Variants in LRRC37A3 observed in about 807,000 individuals in gnomAD.
LRRC37A3 encodes leucine rich repeat containing 37 member A3, also known as leucine-rich repeat-containing protein 37A3.
In LRRC37A3, 25 loss-of-function variants were observed where a neutral mutation model predicts 106.2. The observed-to-expected ratio is 0.24, with a 90% CI of 0.17 to 0.33. The LOEUF is 0.33. Ranked by LOEUF, LRRC37A3 falls within the 10% of genes least tolerant of loss-of-function variation. LRRC37A3 has a pLI of 1.00. For synonymous variants in LRRC37A3, 305 were observed against 635.8 expected (o/e 0.48, Z 7.83); for missense variants, 712 against 1,644.9 (o/e 0.43, Z 9.81).
chr17:64,863,276 A>G (rs572703371), intron 10 of LRRC37A3: 7 of 498,194 alleles, frequency 1.4e-5, no homozygotes, highest in Middle Eastern at 5.6e-4. Flanking sequence ...TAGTAGTTTC[A>G]GAAGTATCTC....
In LRRC37A3 at chr17:64,860,111, A is replaced by G; in HGVS notation, c.4035T>C (p.Ser1345=). ...GGGAATTTATGAGGCTCTTCGCTGCAGAGAACGGAAGCCTGTTTGAGAGCA... is the reference window on the plus strand; with the variant it reads ...GGGAATTTATGAGGCTCTTCGCTGCGGAGAACGGAAGCCTGTTTGAGAGCA... ...RLMLSNRLPF[S]AAKSLINSPS... Residue 1345 remains serine (S), a synonymous_variant, in exon 12 of 15, where the codon TCT becomes TCC. Transcript: ENST00000584306. 1.2e-6 allele frequency: 2 copies of G among 1,613,996 alleles called. No individual in the cohort carries two copies. Among genetic ancestry groups the G allele is most frequent in the African/African-American group, 2.7e-5 (2 of 75,040 alleles).
At chr17:64,915,357 A>T (rs1433953284) in intron 2 of LRRC37A3, among the ~76,000 whole-genome samples, 1 of 151,810 alleles carries the variant, frequency 6.6e-6, no homozygotes, top group Non-Finnish European at 1.5e-5. Flanking sequence ...GAATCAGCAA[A>T]CCATGGCCAA....
In LRRC37A3 at chr17:64,859,883, A is replaced by G; in HGVS notation, c.4263T>C (p.His1421=). The change falls in exon 12 of 15, where the codon CAT becomes CAC. Residue 1421 remains histidine, a synonymous_variant. Coordinates refer to ENST00000584306, the MANE Select transcript of LRRC37A3 (RefSeq NM_199340.5). ...GTISENTNYN[H]PPEADSAGTA... ...TCCCAGCGGAATCTGCCTCAGGAGG[A>G]TGATTGTAGTTTGTGTTTTCAGAGA... 1.9e-6 allele frequency: 3 copies of G among 1,613,104 alleles called. No individual in the cohort carries two copies. Among genetic ancestry groups the G allele is most frequent in the Non-Finnish European group, 2.5e-6 (3 of 1,179,822 alleles).
intron 8 of LRRC37A3, chr17:64,877,021 C>T (rs371028061): frequency 3.9e-5 from 6 of 152,048 alleles, no homozygotes; most frequent in African/African-American, 9.7e-5. Context: ...AACATGAAGC[C>T]GATAATAATA....
At chr17:64,866,027 G>T (rs1400914341) in intron 10 of LRRC37A3, among the ~76,000 whole-genome samples, 1 of 151,882 alleles carries the variant, frequency 6.6e-6, no homozygotes, top group Admixed American at 6.6e-5. Flanking sequence ...AAATGAGCTG[G>T]CCTACTTACT....
At position 64,918,862 on chromosome 17, in the gene LRRC37A3, C is replaced by A. The variant is rs1286657746; in HGVS notation, c.-608G>T. 1.3e-5 allele frequency: 6 copies of A among 470,994 alleles called. No individual in the cohort carries two copies. Among genetic ancestry groups the A allele is most frequent in the Admixed American group, 4.6e-5 (1 of 21,714 alleles). The allele number at this position is 470,994 out of a possible 1,614,324, so 29.2% of individuals were successfully genotyped here. Reference sequence around the variant, plus strand: ...CCAGCCTGGGCAACACGGTGAAACTCCATCTCTACTAAAAAATACAAAAAA... The same window carrying A: ...CCAGCCTGGGCAACACGGTGAAACTACATCTCTACTAAAAAATACAAAAAA... On this transcript the variant is annotated 5_prime_UTR_variant, in exon 2 of 15. The change creates a premature stop within an existing upstream ORF in the 5' untranslated region. Coordinates refer to ENST00000584306, the MANE Select transcript of LRRC37A3 (RefSeq NM_199340.5).
At chr17:64,909,436 C>T (rs1248000395) in intron 2 of LRRC37A3, among the ~76,000 whole-genome samples, 3 of 152,182 alleles carry the variant, frequency 2.0e-5, no homozygotes, top group Non-Finnish European at 4.4e-5. Flanking sequence ...GAAAAGCTGC[C>T]TTGAAACAGT....
chr17:64,863,301 G>T, intron 10 of LRRC37A3: 1 of 431,746 alleles, frequency 2.3e-6, no homozygotes, highest in Non-Finnish European at 4.2e-6. Context: ...CAACTCAAAA[G>T]TCTCACTTTG....
At chr17:64,872,921 T>C (rs1598406093) in intron 8 of LRRC37A3, among the ~76,000 whole-genome samples, 1 of 152,088 alleles carries the variant, frequency 6.6e-6, no homozygotes, top group East Asian at 1.9e-4. Flanking sequence ...AGCTGAGTGC[T>C]GAAGGTATGC....
intron 2 of LRRC37A3, among the ~76,000 whole-genome samples, chr17:64,911,080 G>A (rs966645462): frequency 2.6e-5 from 4 of 152,090 alleles, no homozygotes; most frequent in Middle Eastern, 3.4e-3. Context: ...CTATATATAC[G>A]TATATCTACA....
chr17:64,880,265 A>G (rs1430346493), intron 8 of LRRC37A3, among the ~76,000 whole-genome samples: 3 of 151,852 alleles, frequency 2.0e-5, no homozygotes, highest in African/African-American at 7.3e-5. Context: ...TTTTCCACAA[A>G]CCAAATGATA....
chr17:64,877,294 C>CG (rs1458955850), intron 8 of LRRC37A3, among the ~76,000 whole-genome samples: 1 of 152,146 alleles, frequency 6.6e-6, no homozygotes, highest in Non-Finnish European at 1.5e-5. Flanking sequence ...CTCCACCTCC[C>CG]GGGTTCAAGT....
At chr17:64,909,557 T>C (rs1389869572) in intron 2 of LRRC37A3, 2 of 152,184 alleles carry the variant, frequency 1.3e-5, no homozygotes, top group African/African-American at 4.8e-5. Context: ...CAGTAATCTG[T>C]ATTTTTATCC....
chr17:64,916,720 C>T (rs974339109), intron 2 of LRRC37A3, among the ~76,000 whole-genome samples: 8 of 147,854 alleles, frequency 5.4e-5, no homozygotes, highest in South Asian at 2.1e-4. Flanking sequence ...CAGAAGGTGG[C>T]GGCTGCAGTG....
chr17:64,883,135 T>C (rs1973759461), intron 8 of LRRC37A3, among the ~76,000 whole-genome samples: 1 of 152,258 alleles, frequency 6.6e-6, no homozygotes, highest in Admixed American at 6.5e-5. Flanking sequence ...GGGGCTTTGA[T>C]AGTTAGCCGC....
chr17:64,919,245 C>G (rs1278706979), intron 1 of LRRC37A3, among the ~76,000 whole-genome samples, 186 bp downstream of exon 1: 1 of 152,054 alleles, frequency 6.6e-6, no homozygotes, highest in Non-Finnish European at 1.5e-5. Context: ...CGGCCTGCCC[C>G]GCCGGCCCCT....
At chr17:64,856,205 G>T (rs536257002) in intron 13 of LRRC37A3, among the ~76,000 whole-genome samples, 6 of 152,008 alleles carry the variant, frequency 3.9e-5, no homozygotes, top group African/African-American at 7.3e-5. Context: ...TTTACTTAGC[G>T]ACAGGATTGC....
At chr17:64,863,182 G>A in intron 10 of LRRC37A3, 164 bp from the exon 11 acceptor site, 1 of 742,348 alleles carries the variant, frequency 1.3e-6, no homozygotes, top group Non-Finnish European at 2.3e-6. Context: ...GAGGACAAAA[G>A]TGCCCAACTG....
At chr17:64,883,254 T>A (rs1388030362) in intron 8 of LRRC37A3, among the ~76,000 whole-genome samples, 1 of 152,142 alleles carries the variant, frequency 6.6e-6, no homozygotes, top group East Asian at 1.9e-4. Context: ...AGAATCCAGT[T>A]AAGTCCACTA....
Sources: gnomAD v4.1 joint callset for allele counts (sites outside exome capture counted in the v4.1 genomes callset) on GRCh38, gnomAD v4.1.1 for gene constraint, MANE v1.5 for transcripts, NCBI Gene and HGNC (gene_info 2026-07-23, HGNC 2026-07-21) for gene names.